COL1A1: variants seen among roughly 807,000 people sequenced by gnomAD.
COL1A1 encodes the protein collagen type I alpha 1 chain, also known as collagen alpha-1(I) chain.
COL1A1 carries 21 observed loss-of-function variants against 195.7 expected under a neutral mutation model. That is an observed-to-expected ratio of 0.11 (90% CI 0.08 to 0.15). The LOEUF is 0.15. Ranked by LOEUF, COL1A1 falls within the 10% of genes least tolerant of loss-of-function variation. The pLI is 1.00. For missense variants in COL1A1, 1,365 were observed against 2,051.0 expected, an observed-to-expected ratio of 0.67 and a Z score of 6.46; for synonymous variants, 749 against 747.3, an observed-to-expected ratio of 1.00 and a Z score of -0.04.
In COL1A1 at chr17:50,186,204, A is replaced by G. The variant is rs139202689; in HGVS notation, c.4005+113T>C. On this transcript the variant is annotated intron_variant, in intron 49 of 50. Coordinates refer to ENST00000225964, the MANE Select transcript of COL1A1 (RefSeq NM_000088.4). The surrounding 1 kb of genome is among the most constrained non-coding windows in gnomAD (Gnocchi z 5.3). ...CAGGGACCTGAGACCCCTGCCTCCC[A>G]GCCCAGCTCTGTCCATCACCCTTAG... is the stretch of plus-strand genomic sequence containing the variant. 1 of 1,541,180 alleles carries G rather than the reference A, an allele frequency of 6.5e-7. No homozygotes were observed. Among genetic ancestry groups the G allele is most frequent in the African/African-American group, 1.4e-5 (1 of 73,640 alleles).
At chr17:50,191,133 G>A (rs932813189) in intron 32 of COL1A1, among the ~76,000 whole-genome samples, 8 of 152,024 alleles carry the variant, frequency 5.3e-5, no homozygotes, top group Admixed American at 4.6e-4. Flanking sequence ...CTTGTGTAGC[G>A]GGATGAATAA....
Position 50,199,561 on chromosome 17 carries a change from C to T in COL1A1, c.328G>A (p.Val110Ile), listed in dbSNP as rs375823086. Residue 110 changes from valine (V) to isoleucine (I), a missense_variant, in exon 3 of 51, where the codon GTC (valine) becomes ATC (isoleucine). Coordinates refer to ENST00000225964, the MANE Select transcript of COL1A1 (RefSeq NM_000088.4). The part of the protein sequence containing the change: ...ESPTDQETTG[V>I]EGPKGDTGPR... ...ATTCGAGGGCAGGAGATTACCTCGA[C>T]GCCGGTGGTTTCTTGGTCGGTGGGT... 1.1e-5 allele frequency: 17 copies of T among 1,614,042 alleles called. No individual in the cohort carries two copies. Among genetic ancestry groups the T allele is most frequent in the Middle Eastern group, 1.6e-4 (1 of 6,080 alleles).
Position 50,200,410 on chromosome 17 carries a change from G to A in COL1A1, c.104-463C>T, listed in dbSNP as rs2144596513. On this transcript the variant is annotated intron_variant, in intron 1 of 50. Transcript: ENST00000225964. ...CCCCCATTCCCTGGGCAGGTGGGGT[G>A]GCGGGGGCGGGGCTAGGAGAATGGG... is the stretch of plus-strand genomic sequence containing the variant. 1.3e-5 allele frequency among the ~76,000 whole-genome samples: 2 copies of A among 152,256 alleles called. 1 individual carries two copies. Among genetic ancestry groups the A allele is most frequent in the Middle Eastern group, 6.8e-3 (2 of 294 alleles).
At position 50,185,773 on chromosome 17, in the gene COL1A1, C is replaced by G; in HGVS notation, c.4248+5G>C. ...GGGCCCTGCCTGGGGATTCTGGGCA[C>G]TCACCGTGCAGCCATCGACAGTGAC... On this transcript the variant is annotated splice_donor_5th_base_variant and intron_variant, in intron 50 of 50. Coordinates refer to ENST00000225964, the MANE Select transcript of COL1A1 (RefSeq NM_000088.4). The G allele has an allele frequency of 6.2e-7, 1 of 1,613,312 alleles. No homozygotes were observed. Among genetic ancestry groups the G allele is most frequent in the Non-Finnish European group, 8.5e-7 (1 of 1,179,966 alleles).
chr17:50,193,929 C>A lies in COL1A1; in HGVS notation c.1767+14G>T, dbSNP rs1349541148. The A allele has an allele frequency of 6.2e-7, 1 of 1,611,654 alleles. No homozygotes were observed. Among genetic ancestry groups the A allele is most frequent in the African/African-American group, 1.3e-5 (1 of 75,024 alleles). On this transcript the variant is annotated intron_variant, in intron 25 of 50. Transcript: ENST00000225964. ...TTGTCCCTGGCTCTTCATGGATCCT[C>A]ACTTAATACTCACAGCAGCACCTTT...
At position 50,197,773 on chromosome 17, in the gene COL1A1, G is replaced by A. The variant is rs868168330; in HGVS notation, c.655C>T (p.Pro219Ser). 5.0e-6 allele frequency: 8 copies of A among 1,605,108 alleles called. No individual in the cohort carries two copies. In the African/African-American group the frequency reaches 8.1e-5, roughly 16 times the overall value. ...CCAGGGGGACCTGGGGGACCTCGGG[G>A]ACCCATGGGACCCTAGAAAAGATAG... ...GEPGASGPMGPRGPPGPPGKN... is the reference protein window; with the variant it reads ...GEPGASGPMGSRGPPGPPGKN... Residue 219 changes from proline (P) to serine (S), a missense_variant, in exon 9 of 51, where the codon CCC becomes TCC. This residue lies in a region of COL1A1 where 226 missense variants were observed against 372.9 expected (regional missense o/e 0.61). Transcript: ENST00000225964.
rs2144578031 is a variant in COL1A1, at chr17:50,195,743, G to C, written c.1057-78C>G. The C allele has an allele frequency of 6.9e-7, 1 of 1,454,512 alleles. No homozygotes were observed. Among genetic ancestry groups the C allele is most frequent in the Non-Finnish European group, 9.5e-7 (1 of 1,048,446 alleles). 90.1% of individuals were successfully genotyped at this position (1,454,512 alleles called of 1,614,324 possible). Reference sequence around the variant, plus strand: ...CCTCTCGGGATGGCAGGAGGAAGGGGAGACAGGGACAGGAGAGCAATGATC... The same window carrying C: ...CCTCTCGGGATGGCAGGAGGAAGGGCAGACAGGGACAGGAGAGCAATGATC... On this transcript the variant is annotated intron_variant, in intron 16 of 50. Coordinates refer to ENST00000225964, the MANE Select transcript of COL1A1 (RefSeq NM_000088.4). This position sits in a 1 kb window ranked among gnomAD's most constrained non-coding sequence, Gnocchi z 4.3.
chr17:50,188,431 C>A lies in COL1A1; in HGVS notation c.3207+99G>T, dbSNP rs1030011866. On this transcript the variant is annotated intron_variant, in intron 43 of 50. Transcript: ENST00000225964. The surrounding 1 kb of genome is among the most constrained non-coding windows in gnomAD (Gnocchi z 5.6). Reference sequence around the variant, plus strand: ...TCTTGCAGGATCTCCTTTCCTCCCCCTGCCTGGGTGAAGTCCGACACCCAT... The same window carrying A: ...TCTTGCAGGATCTCCTTTCCTCCCCATGCCTGGGTGAAGTCCGACACCCAT... 8.2e-7 allele frequency: 1 copy of A among 1,224,322 alleles called. No individual in the cohort carries two copies. The allele number at this position is 1,224,322 out of a possible 1,614,324, so 75.8% of individuals were successfully genotyped here.
Position 50,185,835 on chromosome 17 carries a change from C to T in COL1A1, c.4191G>A (p.Glu1397=). The change falls in exon 50 of 51, where the codon GAG becomes GAA. Residue 1397 remains glutamate, a synonymous_variant. Transcript: ENST00000225964. ...AGCGGCTGTTGCCCTCGGCGCGGAT[C>T]TCGATCTCGTTGGAGCCCTGGAGGA... ...ALLLQGSNEI[E]IRAEGNSRFT... 1 of 1,614,138 alleles carries T rather than the reference C, an allele frequency of 6.2e-7. No individual in the cohort carries two copies.
chr17:50,199,196 A>T, intron 5 of COL1A1, 30 bp downstream of exon 5: 1 of 1,438,356 alleles, frequency 7.0e-7, no homozygotes. Flanking sequence ...AAAACAGGGG[A>T]GAGTGGACAC....
intron 1 of COL1A1, among the ~76,000 whole-genome samples, chr17:50,200,943 C>T (rs1391404863): frequency 2.6e-5 from 4 of 152,260 alleles, no homozygotes; most frequent in Admixed American, 1.3e-4. Context: ...CCTCCACCCG[C>T]CCACGCTCCG....
At chr17:50,196,740 T>C in intron 11 of COL1A1, 70 bp from the exon 12 acceptor site, 1 of 1,537,312 alleles carries the variant, frequency 6.5e-7, no homozygotes, top group Non-Finnish European at 9.0e-7. Flanking sequence ...TCCACCTAGA[T>C]CTGAGAAAGA....
At position 50,187,128 on chromosome 17, in the gene COL1A1, G is replaced by A. The variant is rs370865189; in HGVS notation, c.3424-6C>T. The A allele has an allele frequency of 6.3e-7, 1 of 1,597,950 alleles. No homozygotes were observed. The highest frequency in any genetic ancestry group is 1.8e-5 in the Admixed American group (1 of 56,866). On this transcript the variant is annotated splice_region_variant and splice_polypyrimidine_tract_variant and intron_variant, in intron 46 of 50. Coordinates refer to ENST00000225964, the MANE Select transcript of COL1A1 (RefSeq NM_000088.4). ...CCAGCAGAGCCAGGGGGACCCTGGA[G>A]TGGGGGAAATGGTTTGAGAAAGGCT... is the stretch of plus-strand genomic sequence containing the variant.
rs1256201948 is a variant in COL1A1 at position 50,195,772 on chromosome 17, A to T, written c.1057-107T>A. The T allele has an allele frequency of 7.4e-7, 1 of 1,360,388 alleles. No individual in the cohort carries two copies. Among genetic ancestry groups the T allele is most frequent in the Non-Finnish European group, 1.0e-6 (1 of 970,154 alleles). The allele number at this position is 1,360,388 out of a possible 1,614,324, so 84.3% of individuals were successfully genotyped here. ...CAGGGACAGGAGAGCAATGATCAGG[A>T]CTCTAAGATCAGAGACGGAGAACCC... On this transcript the variant is annotated intron_variant, in intron 16 of 50. Coordinates refer to ENST00000225964, the MANE Select transcript of COL1A1 (RefSeq NM_000088.4). This position sits in a 1 kb window ranked among gnomAD's most constrained non-coding sequence, Gnocchi z 4.3.
Position 50,195,009 on chromosome 17 carries a change from G to A in COL1A1, c.1353+38C>T, listed in dbSNP as rs1907447491. 1 of 1,605,250 alleles carries A rather than the reference G, an allele frequency of 6.2e-7. No homozygotes were observed. ...TCCCTCAGGGGGCTCCTAGGGCAGG[G>A]TGGGCTGGGCTGCAAGAAGGATGGC... On this transcript the variant is annotated intron_variant, in intron 20 of 50. Transcript: ENST00000225964. This position sits in a 1 kb window ranked among gnomAD's most constrained non-coding sequence, Gnocchi z 4.3.
chr17:50,195,161 C>A lies in COL1A1; in HGVS notation c.1300-61G>T. The stretch of plus-strand genomic sequence containing the variant: ...GGGGCGCTCAGTTGGCCTGCGTCTT[C>A]CTGCTCCCCAGATGAGAGCCGCACT... On this transcript the variant is annotated intron_variant, in intron 19 of 50. Coordinates refer to ENST00000225964, the MANE Select transcript of COL1A1 (RefSeq NM_000088.4). The surrounding 1 kb of genome is among the most constrained non-coding windows in gnomAD (Gnocchi z 4.3). 1 of 1,607,428 alleles carries A rather than the reference C, an allele frequency of 6.2e-7. No individual in the cohort carries two copies. Among genetic ancestry groups the A allele is most frequent in the South Asian group, 1.1e-5 (1 of 90,930 alleles).
Position 50,192,001 on chromosome 17 carries a change from G to A in COL1A1, c.2007C>T (p.Ala669=). ...TTACTCTTGCTCCAGAGGGGCCAGG[G>A]GCGCCAAGGTCTCCAGGAACACCCT... ...GEQGVPGDLG[A]PGPSGARGER... The change falls in exon 30 of 51, where the codon GCC becomes GCT. Residue 669 remains alanine (A), a synonymous_variant. Coordinates refer to ENST00000225964, the MANE Select transcript of COL1A1 (RefSeq NM_000088.4). The A allele has an allele frequency of 6.2e-7, 1 of 1,613,178 alleles. No individual in the cohort carries two copies. Among genetic ancestry groups the A allele is most frequent in the Non-Finnish European group, 8.5e-7 (1 of 1,179,780 alleles).
chr17:50,198,117 G>A (rs754822707), intron 7 of COL1A1, 44 bp downstream of exon 7: 4 of 1,613,040 alleles, frequency 2.5e-6, no homozygotes, highest in Non-Finnish European at 3.4e-6. Flanking sequence ...CCCTCCAAAA[G>A]ACCAAAGCCC....
Position 50,188,414 on chromosome 17 carries a change from G to A in COL1A1, c.3207+116C>T. 9.1e-7 allele frequency: 1 copy of A among 1,097,514 alleles called. No individual in the cohort carries two copies. Among genetic ancestry groups the A allele is most frequent in the Non-Finnish European group, 1.4e-6 (1 of 723,456 alleles). 68.0% of individuals were successfully genotyped at this position (1,097,514 alleles called of 1,614,324 possible). A position where few individuals can be genotyped will look rare whatever the true frequency, so the allele number is the denominator to read the frequency against. ...GGATTAAGGCCCTGACATCTTGCAGGATCTCCTTTCCTCCCCCTGCCTGGG... is the reference window on the plus strand; with the variant it reads ...GGATTAAGGCCCTGACATCTTGCAGAATCTCCTTTCCTCCCCCTGCCTGGG... On this transcript the variant is annotated intron_variant, in intron 43 of 50. Coordinates refer to ENST00000225964, the MANE Select transcript of COL1A1 (RefSeq NM_000088.4). This position sits in a 1 kb window ranked among gnomAD's most constrained non-coding sequence, Gnocchi z 5.6.
Sources: gnomAD v4.1 joint callset for allele counts (sites outside exome capture counted in the v4.1 genomes callset) on GRCh38, gnomAD v4.1.1 for gene constraint, gnomAD v4.1.1 regional missense constraint, Gnocchi (gnomAD v3.1) non-coding constraint, MANE v1.5 for transcripts, NCBI Gene and HGNC (gene_info 2026-07-23, HGNC 2026-07-21) for gene names.